The following FIRRM variants were observed in gnomAD, a reference collection of about 807,000 sequenced individuals.
FIRRM encodes FIGNL1 interacting regulator of recombination and mitosis.
At chr1:169,812,666 GGCCAACATGGTGAAA>G in the FIRRM span, among the ~76,000 whole-genome samples, 1 of 152,060 alleles carries the variant, frequency 6.6e-6, no homozygotes, top group Non-Finnish European at 1.5e-5. Context: ...AGACCAGGCT[GGCCAACATGGTGAAA>G]CCCCGTCTCT....
chr1:169,831,164 G>A, the FIRRM span, among the ~76,000 whole-genome samples: 119 of 152,158 alleles, frequency 7.8e-4, 1 homozygote, highest in African/African-American at 2.7e-3. Flanking sequence ...TGATTTGAGA[G>A]GAACTTGAGT....
the FIRRM span, among the ~76,000 whole-genome samples, chr1:169,810,834 ATTTTTTTTTTTTTTTTTTTTT>A: frequency 4.4e-4 from 27 of 61,212 alleles, no homozygotes; most frequent in Admixed American, 4.3e-3. Flanking sequence ...TTAGCCCCCA[ATTTTTTTTTTTTTTTTTTTTT>A]TTTTTTTTTT....
chr1:169,829,283 T>A, the FIRRM span: 4 of 1,584,740 alleles, frequency 2.5e-6, no homozygotes, highest in Non-Finnish European at 3.4e-6. Context: ...CTCAAAGCCG[T>A]TTTCTACAGT....
chr1:169,853,679 A>ATCCTT, the FIRRM span: 2 of 1,603,308 alleles, frequency 1.2e-6, no homozygotes, highest in Non-Finnish European at 1.7e-6. Flanking sequence ...AAAAAAGGGA[A>ATCCTT]TCCTTTTTCC....
the FIRRM span, chr1:169,827,280 T>G: frequency 8.5e-7 from 1 of 1,179,504 alleles, no homozygotes. Context: ...CATTCTTTTT[T>G]ACAATTAAGA....
At chr1:169,830,275 A>T in the FIRRM span, 6 of 1,613,294 alleles carry the variant, frequency 3.7e-6, no homozygotes, top group Non-Finnish European at 4.2e-6. Flanking sequence ...GCTCTGCTGA[A>T]TGCTGTACTT....
At chr1:169,795,954 T>G in the FIRRM span, 1 of 985,510 alleles carries the variant, frequency 1.0e-6, no homozygotes, top group Non-Finnish European at 1.2e-6. Flanking sequence ...TTTGTGGTTG[T>G]AAATGTGCCT....
At chr1:169,838,320 G>A in the FIRRM span, among the ~76,000 whole-genome samples, 6 of 152,222 alleles carry the variant, frequency 3.9e-5, no homozygotes, top group South Asian at 2.1e-4. Context: ...AAATGTGTCC[G>A]AGTTTAGCAT....
the FIRRM span, among the ~76,000 whole-genome samples, chr1:169,807,481 C>T: frequency 6.6e-6 from 1 of 152,150 alleles, no homozygotes; most frequent in Non-Finnish European, 1.5e-5. Context: ...CATGCTAGAC[C>T]ACAAGTTTCA....
chr1:169,795,386 AC>A, the FIRRM span: 3 of 1,413,686 alleles, frequency 2.1e-6, no homozygotes, highest in Non-Finnish European at 2.8e-6. Context: ...AGGGGAAGCG[AC>A]AACCGTGGTA....
At chr1:169,798,510 G>C in the FIRRM span, among the ~76,000 whole-genome samples, 12 of 151,600 alleles carry the variant, frequency 7.9e-5, no homozygotes, top group Admixed American at 3.3e-4. Flanking sequence ...CCTCTTGTTC[G>C]CCCATCTAGG....
chr1:169,839,717 T>A, the FIRRM span, among the ~76,000 whole-genome samples: 1 of 152,228 alleles, frequency 6.6e-6, no homozygotes, highest in Non-Finnish European at 1.5e-5. Context: ...GTTGATAGTT[T>A]CTTTTGCTGT....
At chr1:169,795,839 T>C in the FIRRM span, 6 of 843,656 alleles carry the variant, frequency 7.1e-6, no homozygotes, top group African/African-American at 2.8e-4. Flanking sequence ...GCTGGAGTCT[T>C]TCTGAAAGAG....
At chr1:169,787,893 A>G in the FIRRM span, among the ~76,000 whole-genome samples, 1 of 151,828 alleles carries the variant, frequency 6.6e-6, no homozygotes, top group African/African-American at 2.4e-5. Flanking sequence ...CATGTTGATC[A>G]CTTTTTGCCC....
At chr1:169,816,578 G>C in the FIRRM span, among the ~76,000 whole-genome samples, 9 of 152,052 alleles carry the variant, frequency 5.9e-5, no homozygotes, top group African/African-American at 2.2e-4. Context: ...TTTAAAATTG[G>C]CTTTGATGGA....
chr1:169,850,214 T>C, the FIRRM span: 1 of 1,236,012 alleles, frequency 8.1e-7, no homozygotes, highest in Non-Finnish European at 1.2e-6. Flanking sequence ...TATTTGTCTT[T>C]GCAAGTTGTT....
At chr1:169,825,140 C>T in the FIRRM span, among the ~76,000 whole-genome samples, 1 of 152,206 alleles carries the variant, frequency 6.6e-6, no homozygotes, top group Non-Finnish European at 1.5e-5. Flanking sequence ...ACCATCTGAT[C>T]TGACCCCCTA....
At chr1:169,808,796 G>A in the FIRRM span, among the ~76,000 whole-genome samples, 1 of 151,862 alleles carries the variant, frequency 6.6e-6, no homozygotes, top group Admixed American at 6.6e-5. Context: ...ACGGGGTTTC[G>A]CCATGTTGGC....
At chr1:169,844,996 G>A in the FIRRM span, among the ~76,000 whole-genome samples, 3 of 152,106 alleles carry the variant, frequency 2.0e-5, no homozygotes, top group Admixed American at 6.6e-5. Context: ...AGAACATGTT[G>A]CCTACAAAGC....
Sources: gnomAD v4.1 joint callset for allele counts (sites outside exome capture counted in the v4.1 genomes callset) on GRCh38, gnomAD v4.1.1 for gene constraint, MANE v1.5 for transcripts, NCBI Gene and HGNC (gene_info 2026-07-23, HGNC 2026-07-21) for gene names.